Variants in UEVLD observed in about 807,000 individuals in gnomAD.
UEVLD encodes UEV and lactate/malate dehyrogenase domains.
UEVLD carries 47 observed loss-of-function variants against 58.6 expected under a neutral mutation model. The observed-to-expected ratio is 0.80, with a 90% CI of 0.63 to 1.02. The LOEUF (loss-of-function observed/expected upper bound fraction) is 1.02. Ranked by LOEUF, UEVLD falls within the 50% of genes least tolerant of loss-of-function variation. The probability of loss-of-function intolerance (pLI) is 0.00; values close to 1 mark genes in which losing one functional copy is unlikely to be tolerated. For missense variants in UEVLD, 510 were observed against 550.6 expected (o/e 0.93, Z 0.74); for synonymous variants, 197 against 195.3 (o/e 1.01, Z -0.07).
At chr11:18,568,299 C>G (rs987037900) in intron 4 of UEVLD, among the ~76,000 whole-genome samples, 1 of 152,070 alleles carries the variant, frequency 6.6e-6, no homozygotes, top group African/African-American at 2.4e-5. Flanking sequence ...AAAGAGATGC[C>G]AATGAAAACC....
Position 18,564,957 on chromosome 11 carries a change from T to C in UEVLD, c.547A>G (p.Asn183Asp). ...SWANHENKTV[N>D]KITVVGGGEL... ...CCACCTCCAACCACAGTAATTTTATTGACTGTTTTATTCTCATGATTTGCC... is the reference window on the plus strand; with the variant it reads ...CCACCTCCAACCACAGTAATTTTATCGACTGTTTTATTCTCATGATTTGCC... The change falls in exon 6 of 12, where the codon AAT becomes GAT. Residue 183 changes from asparagine to aspartate, a missense_variant. Transcript: ENST00000396197. 1 of 1,613,936 alleles carries C rather than the reference T, an allele frequency of 6.2e-7. No individual in the cohort carries two copies. The highest frequency in any genetic ancestry group is 8.5e-7 in the Non-Finnish European group (1 of 1,179,930).
intron 7 of UEVLD, among the ~76,000 whole-genome samples, chr11:18,551,029 T>C (rs1473268531): frequency 6.6e-6 from 1 of 152,200 alleles, no homozygotes; most frequent in Non-Finnish European, 1.5e-5. Flanking sequence ...TTTTCAAGTC[T>C]TCCCTTACAA....
chr11:18,586,988 C>T (rs761595340), intron 1 of UEVLD, among the ~76,000 whole-genome samples: 6 of 152,076 alleles, frequency 3.9e-5, no homozygotes, highest in Non-Finnish European at 7.4e-5. Flanking sequence ...GCAGAGATCG[C>T]GCCACTGCAC....
At chr11:18,570,946 A>G (rs914541634) in intron 3 of UEVLD, among the ~76,000 whole-genome samples, 6 of 152,176 alleles carry the variant, frequency 3.9e-5, no homozygotes, top group Non-Finnish European at 7.4e-5. Context: ...TCTCAAAAAA[A>G]AAAAAAAAAT....
intron 3 of UEVLD, among the ~76,000 whole-genome samples, chr11:18,573,465 C>CTGTTCCCCTT: frequency 6.6e-6 from 1 of 152,196 alleles, no homozygotes; most frequent in Non-Finnish European, 1.5e-5. Flanking sequence ...TTAAGGGGAA[C>CTGTTCCCCTT]AGGTCTGAGT....
At chr11:18,545,078 T>A (rs200754418) in intron 8 of UEVLD, among the ~76,000 whole-genome samples, 9,177 of 87,886 alleles carry the variant, frequency 0.1, 343 homozygotes, top group Middle Eastern at 0.13. Context: ...ATCTATATTT[T>A]TTTTTTTTTT....
chr11:18,564,996 T>G lies in UEVLD; in HGVS notation c.508A>C (p.Asn170His), dbSNP rs1390951688. Residue 170 changes from asparagine (N) to histidine (H), a missense_variant, in exon 6 of 12, where the codon AAT becomes CAT. Physicochemically the swap from Asn to His is moderately conservative, Grantham distance 68. Coordinates refer to ENST00000396197, the MANE Select transcript of UEVLD (RefSeq NM_001040697.4). ...AKITEGVSDTNSKSWANHENK... is the reference protein window; with the variant it reads ...AKITEGVSDTHSKSWANHENK... ...TCATGATTTGCCCAGCTCTTTGAAT[T>G]TGTATCTGAAACACCTAGAAAGAAA... 6.2e-7 allele frequency: 1 copy of G among 1,611,662 alleles called. No homozygotes were observed. Among genetic ancestry groups the G allele is most frequent in the South Asian group, 1.1e-5 (1 of 90,832 alleles).
At chr11:18,541,678 G>A (rs1851060347) in intron 9 of UEVLD, among the ~76,000 whole-genome samples, 2 of 152,228 alleles carry the variant, frequency 1.3e-5, no homozygotes, top group Non-Finnish European at 2.9e-5. Context: ...TTAGCTCAAA[G>A]GAGTGAAGAA....
At chr11:18,547,264 G>T (rs1043872938) in intron 7 of UEVLD, among the ~76,000 whole-genome samples, 2 of 152,204 alleles carry the variant, frequency 1.3e-5, no homozygotes, top group Non-Finnish European at 2.9e-5. Flanking sequence ...GGTGGCTCAT[G>T]CCTGTAATCC....
Position 18,547,069 on chromosome 11 carries a change from C to G in UEVLD, c.716-19G>C. On this transcript the variant is annotated intron_variant, in intron 7 of 11. Coordinates refer to ENST00000396197, the MANE Select transcript of UEVLD (RefSeq NM_001040697.4). ...GACAAATCTAGTGAATGAAAAGAAA[C>G]AGTCTGAGCTGAAGATACAGGCTTT... The G allele has an allele frequency of 6.2e-7, 1 of 1,602,812 alleles. No individual in the cohort carries two copies. Among genetic ancestry groups the G allele is most frequent in the Non-Finnish European group, 8.5e-7 (1 of 1,176,804 alleles).
At chr11:18,571,336 ACT>A (rs1463882276) in intron 3 of UEVLD, among the ~76,000 whole-genome samples, 4 of 152,008 alleles carry the variant, frequency 2.6e-5, no homozygotes, top group African/African-American at 7.2e-5. Context: ...ACAGCGCAAG[ACT>A]CTGTCTCAAA....
intron 4 of UEVLD, among the ~76,000 whole-genome samples, chr11:18,567,525 G>GC (rs1852359805): frequency 6.6e-6 from 1 of 152,124 alleles, no homozygotes; most frequent in Non-Finnish European, 1.5e-5. Flanking sequence ...TGTGAAGCTG[G>GC]CAAGTACAAG....
intron 9 of UEVLD, 124 bp from the exon 10 acceptor site, chr11:18,536,593 G>A: frequency 1.3e-6 from 1 of 792,826 alleles, no homozygotes. Context: ...CTCATTTCTA[G>A]CAAGTTAGAT....
At chr11:18,567,412 C>T (rs1051180110) in intron 4 of UEVLD, among the ~76,000 whole-genome samples, 1 of 152,068 alleles carries the variant, frequency 6.6e-6, no homozygotes, top group Non-Finnish European at 1.5e-5. Context: ...TTAAAAAGTG[C>T]TTAATTTCTC....
At chr11:18,564,295 T>C (rs534486677) in intron 6 of UEVLD, among the ~76,000 whole-genome samples, 1 of 152,238 alleles carries the variant, frequency 6.6e-6, no homozygotes, top group South Asian at 2.1e-4. Flanking sequence ...GCTATTCTAT[T>C]CAGGGCTACA....
At chr11:18,580,035 C>CTTTTT (rs140542993) in intron 1 of UEVLD, among the ~76,000 whole-genome samples, 10 of 85,422 alleles carry the variant, frequency 1.2e-4, no homozygotes, top group Admixed American at 2.9e-4. Context: ...TCCCAGCTGG[C>CTTTTT]TTTTTTTTTT....
chr11:18,541,025 T>C (rs1851031825), intron 9 of UEVLD, among the ~76,000 whole-genome samples: 1 of 152,234 alleles, frequency 6.6e-6, no homozygotes, highest in South Asian at 2.1e-4. Context: ...ATTGTTCCTC[T>C]GAAGAGCTCA....
At position 18,566,408 on chromosome 11, in the gene UEVLD, T is replaced by A. The variant is rs368328758; in HGVS notation, c.432A>T (p.Leu144=). ...CCTGCCGTGCCTCATCAGATGATGATAGAGAATACATGGGAAGTTCCTCTT... is the reference window on the plus strand; with the variant it reads ...CCTGCCGTGCCTCATCAGATGATGAAAGAGAATACATGGGAAGTTCCTCTT... ...KFQEELPMYS[L]SSSDEARQVD... is the part of the protein sequence containing the mutation. The change falls in exon 5 of 12, where the codon CTA becomes CTT. Residue 144 remains leucine, a synonymous_variant. Coordinates refer to ENST00000396197, the MANE Select transcript of UEVLD (RefSeq NM_001040697.4). 21 of 1,614,170 alleles carry A rather than the reference T, an allele frequency of 1.3e-5. No homozygotes were observed. Among genetic ancestry groups the A allele is most frequent in the Non-Finnish European group, 1.8e-5 (21 of 1,180,020 alleles).
intron 1 of UEVLD, among the ~76,000 whole-genome samples, chr11:18,582,405 CTTTT>C (rs773719146): frequency 7.9e-5 from 6 of 75,628 alleles, no homozygotes; most frequent in African/African-American, 1.9e-4. Flanking sequence ...AAAATATTAG[CTTTT>C]TTTTTTTTTT....
Sources: allele counts gnomAD v4.1 joint callset (sites outside exome capture counted in the v4.1 genomes callset), GRCh38; gene constraint gnomAD v4.1.1; transcripts MANE v1.5; gene names NCBI Gene and HGNC (gene_info 2026-07-23, HGNC 2026-07-21).